The following SHISA9 variants were observed in gnomAD, a reference collection of about 807,000 sequenced individuals.
SHISA9 encodes shisa family member 9.
In SHISA9, 13 loss-of-function variants were observed where a neutral mutation model predicts 38.0. That is an observed-to-expected ratio of 0.34 (90% CI 0.22 to 0.54). SHISA9 has a LOEUF of 0.54. Ranked by LOEUF, SHISA9 falls within the 20% of genes least tolerant of loss-of-function variation. The pLI is 0.91. For synonymous variants in SHISA9, 275 were observed against 242.0 expected (o/e 1.14, Z -1.27); for missense variants, 538 against 575.8 (o/e 0.93, Z 0.67).
the SHISA9 span, among the ~76,000 whole-genome samples, chr16:13,320,533 C>T: frequency 6.6e-6 from 1 of 152,112 alleles, no homozygotes; most frequent in African/African-American, 2.4e-5. Flanking sequence ...CCAAGAGCCA[C>T]ACATAAAGGA....
chr16:13,132,992 CAG>C (rs1211519437), intron 2 of SHISA9, among the ~76,000 whole-genome samples: 6 of 152,144 alleles, frequency 3.9e-5, no homozygotes, highest in African/African-American at 1.4e-4. Context: ...CTGATCATGA[CAG>C]AGACAGGCAA....
chr16:13,185,039 A>G (rs1269128704), intron 2 of SHISA9, among the ~76,000 whole-genome samples: 1 of 152,234 alleles, frequency 6.6e-6, no homozygotes, highest in Non-Finnish European at 1.5e-5. Context: ...CATTACCAAC[A>G]GCAAGGTGCA....
At chr16:13,397,458 G>C in the SHISA9 span, among the ~76,000 whole-genome samples, 1 of 151,908 alleles carries the variant, frequency 6.6e-6, no homozygotes, top group Non-Finnish European at 1.5e-5. Context: ...GCAGAGTCTC[G>C]CTCTGCTGCC....
the SHISA9 span, among the ~76,000 whole-genome samples, chr16:13,334,423 C>T: frequency 2.6e-5 from 4 of 152,166 alleles, no homozygotes; most frequent in Non-Finnish European, 5.9e-5. Context: ...CTTTACTCTT[C>T]TCCTCTGTAG....
chr16:12,942,322 C>T (rs2071622218), intron 2 of SHISA9, among the ~76,000 whole-genome samples: 1 of 152,182 alleles, frequency 6.6e-6, no homozygotes, highest in South Asian at 2.1e-4. Context: ...GGCTGAGAGT[C>T]AGTTGTGGCT....
At chr16:13,539,326 G>GTAT in the SHISA9 span, among the ~76,000 whole-genome samples, 172 of 33,730 alleles carry the variant, frequency 5.1e-3, 10 homozygotes, top group South Asian at 0.015. Context: ...ATAAAGACAG[G>GTAT]ATCTTTATAT....
chr16:13,555,415 C>T, the SHISA9 span, among the ~76,000 whole-genome samples: 1 of 152,326 alleles, frequency 6.6e-6, no homozygotes, highest in Admixed American at 6.5e-5. Flanking sequence ...AAAGACAGCA[C>T]ATTCTTCCAC....
At chr16:13,060,555 T>A (rs1413740117) in intron 2 of SHISA9, among the ~76,000 whole-genome samples, 1 of 140,018 alleles carries the variant, frequency 7.1e-6, no homozygotes, top group Non-Finnish European at 1.5e-5. Context: ...TTTCTTGAAA[T>A]ACACTCTGGA....
rs1219180913 is a variant in SHISA9 at position 13,193,772 on chromosome 16, C to G, written c.692-9622C>G. Among the ~76,000 whole-genome samples, 4 of 152,172 alleles carry G rather than the reference C, an allele frequency of 2.6e-5. No homozygotes were observed. The East Asian group carries it at 7.7e-4, about 29-fold the overall frequency. On this transcript the variant is annotated intron_variant, in intron 2 of 4. Transcript: ENST00000558583. The stretch of plus-strand genomic sequence containing the variant: ...CCACACAACTGTGTAGGGCCCATTG[C>G]CCCATAGTGGCAGGTTCTGTGGTAA...
the SHISA9 span, among the ~76,000 whole-genome samples, chr16:13,464,813 T>A: frequency 6.6e-6 from 1 of 152,062 alleles, no homozygotes; most frequent in Non-Finnish European, 1.5e-5. Flanking sequence ...TATGTTCTAT[T>A]TCTATGCCCA....
At chr16:13,297,752 C>CA in the SHISA9 span, among the ~76,000 whole-genome samples, 2 of 151,464 alleles carry the variant, frequency 1.3e-5, no homozygotes, top group Non-Finnish European at 2.9e-5. Flanking sequence ...TGCGTTCTTT[C>CA]TTTTTTTTTC....
the SHISA9 span, among the ~76,000 whole-genome samples, chr16:13,326,691 AGCGTGGGAGATG>A: frequency 1.3e-5 from 2 of 152,176 alleles, no homozygotes; most frequent in South Asian, 4.1e-4. Flanking sequence ...ACTGCACTCC[AGCGTGGGAGATG>A]AAGCAAGGCG....
intron 2 of SHISA9, among the ~76,000 whole-genome samples, chr16:12,979,548 T>G (rs1199880332): frequency 6.6e-6 from 1 of 152,228 alleles, no homozygotes; most frequent in Admixed American, 6.5e-5. Flanking sequence ...GTTCGTCATT[T>G]ACTTGTTTTC....
At chr16:13,132,025 G>T (rs1596670262) in intron 2 of SHISA9, among the ~76,000 whole-genome samples, 1 of 152,176 alleles carries the variant, frequency 6.6e-6, no homozygotes, top group Non-Finnish European at 1.5e-5. Context: ...CAAACTCCTT[G>T]CTTTGCTGAG....
At chr16:13,375,722 G>C in the SHISA9 span, among the ~76,000 whole-genome samples, 2 of 152,110 alleles carry the variant, frequency 1.3e-5, no homozygotes, top group South Asian at 2.1e-4. Context: ...AGAAGCCTAA[G>C]ACTTGTACAC....
At chr16:13,151,820 G>A (rs951555811) in intron 2 of SHISA9, among the ~76,000 whole-genome samples, 24 of 152,106 alleles carry the variant, frequency 1.6e-4, no homozygotes, top group Non-Finnish European at 2.1e-4. Flanking sequence ...CCATGGATTC[G>A]CTGGCCTGTA....
intron 1 of SHISA9, chr16:12,910,371 T>C (rs1174256605): frequency 1.6e-6 from 1 of 630,752 alleles, no homozygotes; most frequent in Non-Finnish European, 2.0e-6. Flanking sequence ...CCCAACACTG[T>C]GCTGAGAGAT....
the SHISA9 span, chr16:13,331,470 A>G: frequency 6.6e-6 from 1 of 152,168 alleles, no homozygotes; most frequent in Non-Finnish European, 1.5e-5. Flanking sequence ...AATATACCAA[A>G]CATGATAATT....
chr16:13,398,290 C>A, the SHISA9 span, among the ~76,000 whole-genome samples: 1 of 152,198 alleles, frequency 6.6e-6, no homozygotes, highest in Non-Finnish European at 1.5e-5. Context: ...ACACCCTTCC[C>A]TTCCCAGCAC....
Sources: gnomAD v4.1 joint callset for allele counts (sites outside exome capture counted in the v4.1 genomes callset) on GRCh38, gnomAD v4.1.1 for gene constraint, MANE v1.5 for transcripts, NCBI Gene and HGNC (gene_info 2026-07-23, HGNC 2026-07-21) for gene names.